Variants in DYRK1A observed in about 807,000 individuals in gnomAD.
The protein encoded by DYRK1A is dual specificity tyrosine-phosphorylation-regulated kinase 1A.
A neutral mutation model predicts 79.7 loss-of-function variants in DYRK1A; 9 were observed. The observed-to-expected ratio is 0.11, with a 90% CI of 0.07 to 0.20. The LOEUF is 0.20. DYRK1A is among the 10% of genes least tolerant of loss of function. DYRK1A has a pLI of 1.00. For missense variants in DYRK1A, 622 were observed against 956.0 expected, an observed-to-expected ratio of 0.65 and a Z score of 4.61; for synonymous variants, 349 against 329.7, an observed-to-expected ratio of 1.06 and a Z score of -0.63.
At chr21:37,406,931 C>A (rs1897891833) in intron 1 of DYRK1A, among the ~76,000 whole-genome samples, 1 of 139,816 alleles carries the variant, frequency 7.2e-6, no homozygotes, top group African/African-American at 2.7e-5. Context: ...GTTTAAAATT[C>A]TTTTGATTTT....
chr21:37,466,372 G>A (rs547894930), intron 2 of DYRK1A, among the ~76,000 whole-genome samples: 1 of 152,000 alleles, frequency 6.6e-6, no homozygotes, highest in Admixed American at 6.5e-5. Context: ...TAATATATAA[G>A]GTAACTAAAA....
chr21:37,502,601 A>G (rs1011711930), intron 9 of DYRK1A: 1 of 152,222 alleles, frequency 6.6e-6, no homozygotes. Flanking sequence ...GGCTGTTTAA[A>G]TAAAAAATAG....
At chr21:37,489,110 C>G (rs533479470) in intron 6 of DYRK1A, among the ~76,000 whole-genome samples, 1 of 152,224 alleles carries the variant, frequency 6.6e-6, no homozygotes, top group Admixed American at 6.5e-5. Context: ...CAGCCCAGGA[C>G]TATTCCCAGG....
chr21:37,502,074 A>G (rs890568007), intron 9 of DYRK1A: 1 of 152,120 alleles, frequency 6.6e-6, no homozygotes, highest in Non-Finnish European at 1.5e-5. Context: ...TGATATTTTC[A>G]TGGTGTGTGT....
intron 1 of DYRK1A, among the ~76,000 whole-genome samples, chr21:37,406,332 T>G (rs1399106193): frequency 6.6e-6 from 1 of 152,198 alleles, no homozygotes; most frequent in East Asian, 1.9e-4. Flanking sequence ...TTACCAGAGA[T>G]AGAAAAATTT....
chr21:37,388,579 G>A (rs1004038452), intron 1 of DYRK1A, among the ~76,000 whole-genome samples: 3 of 151,738 alleles, frequency 2.0e-5, no homozygotes, highest in Non-Finnish European at 2.9e-5. Context: ...TTTTTTAACA[G>A]TTTATTTTAA....
upstream of DYRK1A, chr21:37,365,983 AGGGCCGCC>A (rs2148343264): frequency 6.6e-6 from 1 of 152,178 alleles, no homozygotes; most frequent in Admixed American, 6.5e-5. Flanking sequence ...TGCCAGCCTC[AGGGCCGCC>A]GGGCCCGGCG....
intron 5 of DYRK1A, among the ~76,000 whole-genome samples, chr21:37,483,486 T>C (rs552987924): frequency 1.3e-5 from 2 of 152,362 alleles, no homozygotes; most frequent in Admixed American, 6.5e-5. Context: ...TTTTGGTAAT[T>C]ACACATAATC....
At chr21:37,473,929 A>G (rs1214137460) in intron 3 of DYRK1A, among the ~76,000 whole-genome samples, 2 of 152,214 alleles carry the variant, frequency 1.3e-5, no homozygotes, top group African/African-American at 2.4e-5. Context: ...TTAATTGTGT[A>G]CCAGAAGAAA....
upstream of DYRK1A, chr21:37,365,987 C>T (rs1478637453): frequency 2.6e-5 from 4 of 152,110 alleles, no homozygotes; most frequent in African/African-American, 9.7e-5. Flanking sequence ...AGCCTCAGGG[C>T]CGCCGGGCCC....
At chr21:37,423,987 A>G (rs2050547838) in intron 2 of DYRK1A, among the ~76,000 whole-genome samples, 1 of 152,132 alleles carries the variant, frequency 6.6e-6, no homozygotes. Context: ...TCATATTTCC[A>G]GTGATCACAA....
chr21:37,482,802 G>A lies in DYRK1A; in HGVS notation c.489+1976G>A, dbSNP rs979139513. Among the ~76,000 whole-genome samples, 115 of 152,248 alleles carry A rather than the reference G, an allele frequency of 7.6e-4. 2 individuals carry two copies. Among genetic ancestry groups the A allele is most frequent in the Non-Finnish European group, 1.5e-4 (10 of 68,018 alleles). On this transcript the variant is annotated intron_variant, in intron 5 of 11. Transcript: ENST00000647188. ...CCATTTCAGAGACCTACCCTCAGGG[G>A]CTCATTCTCTTTCTCAGGGATGTTC... is the stretch of plus-strand genomic sequence containing the variant.
chr21:37,480,298 A>G (rs1477634391), intron 4 of DYRK1A, among the ~76,000 whole-genome samples: 2 of 152,150 alleles, frequency 1.3e-5, no homozygotes, highest in African/African-American at 4.8e-5. Flanking sequence ...GGCATTTGGT[A>G]ACTTTTGTCA....
intron 1 of DYRK1A, among the ~76,000 whole-genome samples, chr21:37,368,348 C>A (rs1056440039): frequency 6.6e-6 from 1 of 152,222 alleles, no homozygotes; most frequent in Non-Finnish European, 1.5e-5. Flanking sequence ...TTTATAGGCA[C>A]AAACCCACTC....
intron 7 of DYRK1A, among the ~76,000 whole-genome samples, chr21:37,490,976 G>C (rs2053072889): frequency 6.6e-6 from 1 of 152,074 alleles, no homozygotes; most frequent in African/African-American, 2.4e-5. Context: ...GATGGATCAA[G>C]ATAAATCTTT....
chr21:37,393,714 T>C (rs1278806845), intron 1 of DYRK1A, among the ~76,000 whole-genome samples: 2 of 152,216 alleles, frequency 1.3e-5, no homozygotes, highest in Non-Finnish European at 2.9e-5. Flanking sequence ...TAAAACAATA[T>C]TCATTTCTTT....
intron 2 of DYRK1A, among the ~76,000 whole-genome samples, chr21:37,442,177 C>T (rs67615982): frequency 0.16 from 24,765 of 151,622 alleles, 2,874 homozygotes; most frequent in African/African-American, 0.32. Flanking sequence ...TTGATAATTA[C>T]GTACCTTAGT....
chr21:37,424,217 C>T (rs2050554470), intron 2 of DYRK1A, among the ~76,000 whole-genome samples: 3 of 152,112 alleles, frequency 2.0e-5, no homozygotes, highest in South Asian at 2.1e-4. Context: ...CTCTAGCTTT[C>T]GTTCATGTCT....
At chr21:37,493,932 TC>T (rs1396539125) in intron 8 of DYRK1A, among the ~76,000 whole-genome samples, 16 of 132,960 alleles carry the variant, frequency 1.2e-4, no homozygotes, top group African/African-American at 3.6e-4. Context: ...TTTTAATTCT[TC>T]TTTTTTTTTT....
Sources: gnomAD v4.1 joint callset for allele counts (sites outside exome capture counted in the v4.1 genomes callset) on GRCh38, gnomAD v4.1.1 for gene constraint, MANE v1.5 for transcripts, NCBI Gene and HGNC (gene_info 2026-07-23, HGNC 2026-07-21) for gene names.